Variants in ART3 observed in about 807,000 individuals in gnomAD.
The protein encoded by ART3 is ADP-ribosyltransferase 3 (inactive), also known as ecto-ADP-ribosyltransferase 3.
A neutral mutation model predicts 48.5 loss-of-function variants in ART3; 49 were observed. That is an observed-to-expected ratio of 1.01 (90% CI 0.80 to 1.28). ART3 has a LOEUF of 1.28. Ranked by LOEUF, ART3 falls within the 50% of genes most tolerant of loss-of-function variation. The pLI, the probability that ART3 is intolerant of heterozygous loss-of-function variation, is 0.00. For missense variants in ART3, 438 were observed against 454.3 expected (o/e 0.96, Z 0.33); for synonymous variants, 145 against 157.2 (o/e 0.92, Z 0.58).
chr4:76,055,958 C>A (rs1336023613), intron 1 of ART3, among the ~76,000 whole-genome samples: 2 of 152,184 alleles, frequency 1.3e-5, no homozygotes, highest in Non-Finnish European at 2.9e-5. Flanking sequence ...AATCTCTGAT[C>A]TGAGGCAGTA....
intron 5 of ART3, among the ~76,000 whole-genome samples, 153 bp from the exon 6 acceptor site, chr4:76,100,138 A>G (rs1726946394): frequency 6.6e-6 from 1 of 151,242 alleles, no homozygotes; most frequent in African/African-American, 2.5e-5. Flanking sequence ...TTAGACTGTG[A>G]CCGACAACTT....
chr4:76,035,415 G>A, intron 1 of ART3: 1 of 1,486,676 alleles, frequency 6.7e-7, no homozygotes, highest in South Asian at 1.2e-5. Flanking sequence ...AGCTGGTGGT[G>A]AACGTGAGCA....
chr4:76,088,900 A>G (rs912692685), intron 3 of ART3, among the ~76,000 whole-genome samples: 3 of 152,154 alleles, frequency 2.0e-5, no homozygotes, highest in Non-Finnish European at 4.4e-5. Flanking sequence ...TCAAAGTTAC[A>G]TGTTATATCA....
intron 8 of ART3, 114 bp downstream of exon 8, chr4:76,101,133 C>G (rs17001385): frequency 0.18 from 232,377 of 1,272,400 alleles, 23,351 homozygotes; most frequent in East Asian, 0.37. Flanking sequence ...CAGAGCTCAC[C>G]TTAGCTTACT....
At chr4:76,042,751 A>T in intron 1 of ART3, among the ~76,000 whole-genome samples, 1 of 152,248 alleles carries the variant, frequency 6.6e-6, no homozygotes, top group African/African-American at 2.4e-5. Flanking sequence ...TCATAAAAGC[A>T]GTGTGGACCC....
At chr4:76,046,805 C>G (rs911130016) in intron 1 of ART3, among the ~76,000 whole-genome samples, 38 of 152,150 alleles carry the variant, frequency 2.5e-4, no homozygotes, top group African/African-American at 8.7e-4. Context: ...CTCTCAATTA[C>G]AACTGAGGAT....
chr4:76,079,931 CAGAG>C (rs546610994), intron 2 of ART3, among the ~76,000 whole-genome samples: 5,536 of 150,044 alleles, frequency 0.037, 305 homozygotes, highest in African/African-American at 0.12. Flanking sequence ...CACACACACA[CAGAG>C]AGAGAGAGAG....
chr4:76,053,246 G>T (rs1298699688), intron 1 of ART3, among the ~76,000 whole-genome samples: 1 of 152,068 alleles, frequency 6.6e-6, no homozygotes, highest in East Asian at 1.9e-4. Context: ...TTTCTCATTG[G>T]CTTAATTAAA....
chr4:76,097,375 A>T lies in ART3; in HGVS notation c.782-269A>T, dbSNP rs1200472954. Among the ~76,000 whole-genome samples the T allele has an allele frequency of 7.6e-5, 11 of 144,268 alleles. No homozygotes were observed. In the South Asian group the frequency reaches 1.1e-3, roughly 14 times the overall value. The allele number at this position is 144,268 out of a possible 152,430, so 94.6% of individuals were successfully genotyped here. Reference sequence around the variant, plus strand: ...GTGTGCCACCATGCCTGGCTAATTTAAAAAAAAAAATTGTAGAAATGGGGT... The same window carrying T: ...GTGTGCCACCATGCCTGGCTAATTTTAAAAAAAAAATTGTAGAAATGGGGT... On this transcript the variant is annotated intron_variant, in intron 3 of 11. Transcript: ENST00000355810.
intron 9 of ART3, 97 bp from the exon 10 acceptor site, chr4:76,104,500 T>C: frequency 1.3e-6 from 2 of 1,542,584 alleles, no homozygotes; most frequent in East Asian, 2.4e-5. Flanking sequence ...CATTGGGGCC[T>C]TGGGTGCTTG....
At chr4:76,075,787 T>A in intron 1 of ART3, 94 bp from the exon 2 acceptor site, 1 of 935,720 alleles carries the variant, frequency 1.1e-6, no homozygotes, top group South Asian at 1.7e-5. Context: ...TCCACTCACA[T>A]TCTAAATGAA....
chr4:76,071,758 A>G (rs1578411650), upstream of ART3, among the ~76,000 whole-genome samples: 4 of 152,304 alleles, frequency 2.6e-5, no homozygotes, highest in Non-Finnish European at 4.4e-5. Flanking sequence ...CTCCATGTCA[A>G]TCAATGACAA....
chr4:76,025,483 A>G (rs1356482551), intron 1 of ART3, among the ~76,000 whole-genome samples: 4 of 152,220 alleles, frequency 2.6e-5, no homozygotes, highest in Non-Finnish European at 4.4e-5. Context: ...TAAACATTGT[A>G]TTACATTAAC....
chr4:76,034,343 C>G (rs532244359), intron 1 of ART3: 54 of 405,538 alleles, frequency 1.3e-4, no homozygotes, highest in African/African-American at 9.2e-4. Flanking sequence ...AGTAATATAG[C>G]ATAAAGATCA....
chr4:76,099,888 A>C (rs1335486088), intron 5 of ART3, among the ~76,000 whole-genome samples: 1 of 152,264 alleles, frequency 6.6e-6, no homozygotes, highest in Non-Finnish European at 1.5e-5. Context: ...TGTTTGGGAA[A>C]ATACTTCCTG....
Position 76,040,256 on chromosome 4 carries a change from C to T in ART3, c.-10+28936C>T, listed in dbSNP as rs369043831. Among the ~76,000 whole-genome samples, 46 of 152,180 alleles carry T rather than the reference C, an allele frequency of 3.0e-4. 1 individual carries two copies. The East Asian group carries it at 8.5e-3, about 28-fold the overall frequency. On this transcript the variant is annotated intron_variant, in intron 1 of 9. Transcript: ENST00000341029. ...AGGAGAATCGCTTGAACCCAGAAGG[C>T]GGAAGTTGCAGCGAGCCAAGATCGC...
rs888828125 is a variant in ART3 at position 76,050,955 on chromosome 4, G to A, written c.-9-24926G>A. Among the ~76,000 whole-genome samples, 5 of 152,220 alleles carry A rather than the reference G, an allele frequency of 3.3e-5. No homozygotes were observed. In the South Asian group the frequency reaches 8.3e-4, roughly 25 times the overall value. ...AGGGCCGGCGGGCTGCTCCGAGTGC[G>A]GGGCCCGCCAAGCCCACGCCTACCC... On this transcript the variant is annotated intron_variant, in intron 1 of 9. Transcript: ENST00000341029.
intron 1 of ART3, chr4:76,058,189 T>G (rs1250165083): frequency 6.6e-6 from 1 of 152,232 alleles, no homozygotes. Flanking sequence ...ATGAGTACTT[T>G]GGTTAGTATG....
chr4:76,058,735 T>A (rs1053695168), intron 1 of ART3: 1 of 152,210 alleles, frequency 6.6e-6, no homozygotes, highest in African/African-American at 2.4e-5. Flanking sequence ...ATAGGGTATT[T>A]TTTTTTCTGT....
Sources: gnomAD v4.1 joint callset for allele counts (sites outside exome capture counted in the v4.1 genomes callset) on GRCh38, gnomAD v4.1.1 for gene constraint, MANE v1.5 for transcripts, NCBI Gene and HGNC (gene_info 2026-07-23, HGNC 2026-07-21) for gene names.